Variants in DNAI2 observed in about 807,000 individuals in gnomAD.
DNAI2 encodes the protein dynein axonemal intermediate chain 2, also known as dynein, axonemal, intermediate polypeptide 2.
DNAI2 carries 63 observed loss-of-function variants against 74.7 expected under a neutral mutation model. The ratio of observed to expected loss-of-function variants is 0.84; its 90% CI spans 0.69 to 1.04. DNAI2 has a LOEUF of 1.04. Ranked by LOEUF, DNAI2 falls within the 50% of genes least tolerant of loss-of-function variation. The pLI is 0.00. For synonymous variants in DNAI2, 289 were observed against 314.9 expected (o/e 0.92, Z 0.87); for missense variants, 688 against 803.2 (o/e 0.86, Z 1.73).
chr17:74,292,422 T>C (rs2052169712), intron 6 of DNAI2, among the ~76,000 whole-genome samples: 2 of 148,844 alleles, frequency 1.3e-5, no homozygotes, highest in Admixed American at 1.3e-4. Flanking sequence ...TTTCTTTTTT[T>C]TTTTTTTTTT....
chr17:74,306,398 G>A (rs2053194882), intron 9 of DNAI2, among the ~76,000 whole-genome samples: 1 of 152,000 alleles, frequency 6.6e-6, no homozygotes, highest in Non-Finnish European at 1.5e-5. Flanking sequence ...CCACCCCCTT[G>A]AGTCATTCAC....
intron 6 of DNAI2, among the ~76,000 whole-genome samples, chr17:74,291,885 A>G (rs1191391908): frequency 5.4e-5 from 8 of 148,016 alleles, no homozygotes; most frequent in African/African-American, 1.0e-4. Context: ...TTTTTTTGAG[A>G]TGGAGTCTCG....
chr17:74,312,659 G>C (rs1045702157), intron 12 of DNAI2, among the ~76,000 whole-genome samples: 7 of 152,228 alleles, frequency 4.6e-5, no homozygotes, highest in African/African-American at 1.7e-4. Context: ...GCTTACCCAG[G>C]TTTGGTGTCA....
At chr17:74,308,309 A>C (rs1302133188) in intron 9 of DNAI2, among the ~76,000 whole-genome samples, 2 of 152,170 alleles carry the variant, frequency 1.3e-5, no homozygotes, top group African/African-American at 4.8e-5. Context: ...TTCCGTCTTC[A>C]CTGAAGAAAC....
chr17:74,294,884 A>G (rs1010652893), intron 6 of DNAI2, among the ~76,000 whole-genome samples: 3 of 151,786 alleles, frequency 2.0e-5, no homozygotes, highest in Non-Finnish European at 4.4e-5. Context: ...CATTATGTGT[A>G]TGTTGGCATG....
Position 74,309,358 on chromosome 17 carries a change from C to T in DNAI2, c.1317C>T (p.Phe439=), listed in dbSNP as rs199524166. 1.4e-5 allele frequency: 23 copies of T among 1,614,006 alleles called. No homozygotes were observed. The highest frequency in any genetic ancestry group is 8.9e-5 in the East Asian group (4 of 44,878). ...DGTLDIWDFM[F]EQCDPTLSLK... is the part of the protein sequence containing the mutation. The stretch of plus-strand genomic sequence containing the variant: ...CCCTGGATATCTGGGACTTCATGTT[C>T]GAGCAGTGCGATCCCACCCTCAGCT... Residue 439 remains phenylalanine, a synonymous_variant, in exon 10 of 14, where the codon TTC becomes TTT. Coordinates refer to ENST00000311014, the MANE Select transcript of DNAI2 (RefSeq NM_023036.6).
rs546296781 is a variant in DNAI2 at position 74,302,490 on chromosome 17, C to G, written c.987+1322C>G. ...GCTGAGGCAGGAGAATTGCTTGAAC[C>G]TGGGAGGCGGGGGTTGCGGTGAGCC... On this transcript the variant is annotated intron_variant, in intron 8 of 13. Coordinates refer to ENST00000311014, the MANE Select transcript of DNAI2 (RefSeq NM_023036.6). Among the ~76,000 whole-genome samples, 175 of 152,220 alleles carry G rather than the reference C, an allele frequency of 1.1e-3. 1 individual carries two copies. The highest frequency in any genetic ancestry group is 2.0e-3 in the Non-Finnish European group (137 of 67,998).
chr17:74,281,870 G>A lies in DNAI2; in HGVS notation c.53G>A (p.Cys18Tyr). ...AAGCGCAGCGAGTTCGGGAAGCAGT[G>A]CAATTTCTCGGACCGCCAGGCCGAG... ...VKKRSEFGKQCNFSDRQAELN... is the reference protein window; with the variant it reads ...VKKRSEFGKQYNFSDRQAELN... Residue 18 changes from cysteine (C) to tyrosine (Y), a missense_variant, in exon 2 of 14, where the codon TGC (cysteine) becomes TAC (tyrosine). By Grantham distance (194) the Cys-to-Tyr change is radical. Transcript: ENST00000311014. 1 of 1,614,160 alleles carries A rather than the reference G, an allele frequency of 6.2e-7. No individual in the cohort carries two copies. The highest frequency in any genetic ancestry group is 8.5e-7 in the Non-Finnish European group (1 of 1,180,046).
chr17:74,288,898 G>A (rs1465367326), intron 4 of DNAI2, among the ~76,000 whole-genome samples: 1 of 152,190 alleles, frequency 6.6e-6, no homozygotes, highest in African/African-American at 2.4e-5. Flanking sequence ...TGGACCTGGG[G>A]CAGAGGACAG....
At chr17:74,309,675 C>G (rs1335925295) in intron 10 of DNAI2, 1 of 663,534 alleles carries the variant, frequency 1.5e-6, no homozygotes, top group Non-Finnish European at 2.7e-6. Context: ...ACCCACAGGC[C>G]GATTCCTTCA....
intron 10 of DNAI2, 97 bp from the exon 11 acceptor site, chr17:74,309,920 G>A (rs1310681296): frequency 1.3e-6 from 2 of 1,529,268 alleles, no homozygotes; most frequent in Non-Finnish European, 1.8e-6. Context: ...TGTTTGAATA[G>A]GGCCAAGTGG....
chr17:74,305,088 C>T (rs974875375), intron 8 of DNAI2, 131 bp from the exon 9 acceptor site: 2 of 907,360 alleles, frequency 2.2e-6, no homozygotes, highest in Middle Eastern at 3.1e-4. Context: ...GGGGCCACAG[C>T]CCTTGCCAAG....
intron 2 of DNAI2, 123 bp from the exon 3 acceptor site, chr17:74,284,917 G>T: frequency 1.6e-6 from 2 of 1,262,544 alleles, no homozygotes; most frequent in Admixed American, 3.5e-5. Flanking sequence ...AAATACTGTG[G>T]CTCCGGCCAG....
chr17:74,302,953 C>T (rs1379493699), intron 8 of DNAI2, among the ~76,000 whole-genome samples: 1 of 152,174 alleles, frequency 6.6e-6, no homozygotes, highest in South Asian at 2.1e-4. Context: ...GTTGGGGTGG[C>T]GAGGGCTCAG....
In DNAI2 at chr17:74,309,279, C is replaced by G. The variant is rs1429438979; in HGVS notation, c.1238C>G (p.Ala413Gly). The change falls in exon 10 of 14, where the codon GCT (alanine) becomes GGT (glycine). Residue 413 changes from alanine (A) to glycine (G), a missense_variant. Physicochemically the swap from Ala to Gly is moderately conservative, Grantham distance 60. Coordinates refer to ENST00000311014, the MANE Select transcript of DNAI2 (RefSeq NM_023036.6). Reference sequence around the variant, plus strand: ...TACCACATGGCTTACCTCACTGATGCTGCCTGGAGCCCCGTGAGGCCGACC... The same window carrying G: ...TACCACATGGCTTACCTCACTGATGGTGCCTGGAGCCCCGTGAGGCCGACC... ...TKYHMAYLTDAAWSPVRPTVF... is the reference protein window; with the variant it reads ...TKYHMAYLTDGAWSPVRPTVF... The G allele has an allele frequency of 6.2e-7, 1 of 1,614,116 alleles. No homozygotes were observed. Among genetic ancestry groups the G allele is most frequent in the Non-Finnish European group, 8.5e-7 (1 of 1,180,018 alleles).
intron 12 of DNAI2, among the ~76,000 whole-genome samples, chr17:74,313,026 A>G (rs557465135): frequency 6.6e-6 from 1 of 152,360 alleles, no homozygotes; most frequent in South Asian, 2.1e-4. Context: ...AGGCACTGCA[A>G]AATGAAAATG....
intron 6 of DNAI2, among the ~76,000 whole-genome samples, chr17:74,293,006 T>C (rs1351505430): frequency 6.6e-6 from 1 of 150,786 alleles, no homozygotes; most frequent in Non-Finnish European, 1.5e-5. Flanking sequence ...ATTTTTTGTA[T>C]TTTTTTTTAG....
At chr17:74,276,643 C>T (rs2051100892) in intron 1 of DNAI2, among the ~76,000 whole-genome samples, 1 of 152,194 alleles carries the variant, frequency 6.6e-6, no homozygotes, top group Non-Finnish European at 1.5e-5. Flanking sequence ...TTAAATGTCC[C>T]CTCTGTCTGC....
intron 1 of DNAI2, among the ~76,000 whole-genome samples, chr17:74,275,681 C>T (rs1411853354): frequency 6.6e-6 from 1 of 151,676 alleles, no homozygotes; most frequent in Non-Finnish European, 1.5e-5. Flanking sequence ...GAGCTGAGAT[C>T]AGGCCACTGC....
Sources: gnomAD v4.1 joint callset for allele counts (sites outside exome capture counted in the v4.1 genomes callset) on GRCh38, gnomAD v4.1.1 for gene constraint, MANE v1.5 for transcripts, NCBI Gene and HGNC (gene_info 2026-07-23, HGNC 2026-07-21) for gene names.